IQGAP2: variants seen among roughly 807,000 people sequenced by gnomAD.
The protein encoded by IQGAP2 is ras GTPase-activating-like protein IQGAP2.
In IQGAP2, 173 loss-of-function variants were observed where a neutral mutation model predicts 201.3. The observed-to-expected ratio is 0.86, with a 90% CI of 0.76 to 0.98. The LOEUF is 0.98. IQGAP2 is among the 50% of genes least tolerant of loss of function. IQGAP2 has a pLI of 0.00. For synonymous variants in IQGAP2, 675 were observed against 673.9 expected, an observed-to-expected ratio of 1.00 and a Z score of -0.03; for missense variants, 1,687 against 1,864.8, an observed-to-expected ratio of 0.90 and a Z score of 1.76.
chr5:76,420,188 T>G (rs1318700951), intron 1 of IQGAP2, among the ~76,000 whole-genome samples: 1 of 152,136 alleles, frequency 6.6e-6, no homozygotes, highest in Non-Finnish European at 1.5e-5. Context: ...CCTAGGAGAT[T>G]CCAATGTGCA....
chr5:76,557,819 T>G (rs992211261), intron 2 of IQGAP2, among the ~76,000 whole-genome samples: 6 of 152,212 alleles, frequency 3.9e-5, no homozygotes, highest in Non-Finnish European at 2.9e-5. Context: ...ATTTTTAATT[T>G]TTTTTGAGAC....
chr5:76,484,196 C>T (rs890977245), intron 2 of IQGAP2, among the ~76,000 whole-genome samples: 8 of 151,866 alleles, frequency 5.3e-5, no homozygotes, highest in South Asian at 2.1e-4. Flanking sequence ...AAAGAGCAAA[C>T]GAAACTTCAA....
rs1218058855 is a variant in IQGAP2, at chr5:76,575,742, G to T, written c.431G>T (p.Arg144Ile). Residue 144 changes from arginine to isoleucine, a missense_variant, in exon 5 of 36, where the codon AGA (arginine) becomes ATA (isoleucine). Physicochemically the swap from Arg to Ile is moderately conservative, Grantham distance 97. Coordinates refer to ENST00000274364, the MANE Select transcript of IQGAP2 (RefSeq NM_006633.5). Reference protein sequence around the residue: ...TDVYDRKNIPRMIYCIHALSL... With the variant: ...TDVYDRKNIPIMIYCIHALSL... ...GTCTATGATCGGAAAAACATACCAA[G>T]AATGATATATTGCATTCACGCACTG... 6.3e-7 allele frequency: 1 copy of T among 1,592,290 alleles called. No homozygotes were observed.
At chr5:76,661,379 AAAAT>A (rs1021530756) in intron 21 of IQGAP2, among the ~76,000 whole-genome samples, 15 of 152,194 alleles carry the variant, frequency 9.9e-5, no homozygotes, top group Non-Finnish European at 2.2e-4. Flanking sequence ...CAAAAAATAA[AAAAT>A]AAAAAAGTAT....
intron 1 of IQGAP2, among the ~76,000 whole-genome samples, chr5:76,416,637 T>C (rs1751420651): frequency 1.3e-5 from 2 of 151,712 alleles, no homozygotes; most frequent in East Asian, 1.9e-4. Context: ...AAGCGATTCT[T>C]CTGCCTCAGC....
chr5:76,523,076 CTTTTTTTTTTT>C (rs35277348), intron 2 of IQGAP2, among the ~76,000 whole-genome samples: 1 of 78,372 alleles, frequency 1.3e-5, no homozygotes, highest in Non-Finnish European at 2.3e-5. Flanking sequence ...TTTCTTTTGC[CTTTTTTTTTTT>C]TTTTTTTTTT....
intron 13 of IQGAP2, among the ~76,000 whole-genome samples, chr5:76,625,304 G>C (rs1010322061): frequency 1.3e-5 from 2 of 152,190 alleles, no homozygotes; most frequent in African/African-American, 4.8e-5. Flanking sequence ...ACAGTGATAA[G>C]TTATGAAGGA....
chr5:76,459,698 G>A (rs1225028340), intron 1 of IQGAP2, among the ~76,000 whole-genome samples: 2 of 152,100 alleles, frequency 1.3e-5, no homozygotes, highest in East Asian at 3.9e-4. Flanking sequence ...GAGTGCAGTG[G>A]TGCCATCTCA....
At chr5:76,482,168 C>T (rs992807350) in intron 2 of IQGAP2, among the ~76,000 whole-genome samples, 3 of 152,184 alleles carry the variant, frequency 2.0e-5, no homozygotes, top group African/African-American at 7.2e-5. Flanking sequence ...TGTGCACCTG[C>T]CTTACCTTTT....
intron 19 of IQGAP2, among the ~76,000 whole-genome samples, chr5:76,654,509 G>A (rs1752757369): frequency 6.6e-6 from 1 of 152,166 alleles, no homozygotes; most frequent in Admixed American, 6.5e-5. Context: ...GGAAAACTGT[G>A]GGCTAGTAAC....
chr5:76,668,194 C>T (rs1242770960), intron 22 of IQGAP2, among the ~76,000 whole-genome samples: 1 of 152,018 alleles, frequency 6.6e-6, no homozygotes. Flanking sequence ...TTGCCAGTGT[C>T]TTTGGACACC....
intron 2 of IQGAP2, among the ~76,000 whole-genome samples, chr5:76,535,064 A>G (rs1412358053): frequency 6.6e-6 from 1 of 152,206 alleles, no homozygotes; most frequent in African/African-American, 2.4e-5. Context: ...GGTAGGGAGT[A>G]GAGTGAGGCC....
At chr5:76,461,913 T>C (rs1007542092) in intron 2 of IQGAP2, among the ~76,000 whole-genome samples, 7 of 152,166 alleles carry the variant, frequency 4.6e-5, no homozygotes, top group Non-Finnish European at 1.0e-4. Context: ...CACTCCTGAG[T>C]CACAGCTGGG....
At chr5:76,640,606 A>T (rs964916423) in intron 16 of IQGAP2, among the ~76,000 whole-genome samples, 6 of 152,156 alleles carry the variant, frequency 3.9e-5, no homozygotes, top group African/African-American at 1.4e-4. Flanking sequence ...TTTTTACAGC[A>T]AGCATCCTTG....
intron 1 of IQGAP2, among the ~76,000 whole-genome samples, chr5:76,460,654 A>T (rs1202319066): frequency 3.3e-5 from 5 of 152,060 alleles, no homozygotes; most frequent in Non-Finnish European, 7.4e-5. Context: ...CTCAGTTTTA[A>T]AGTTTAGATT....
chr5:76,592,098 C>T (rs1364235397), intron 8 of IQGAP2, among the ~76,000 whole-genome samples: 2 of 152,212 alleles, frequency 1.3e-5, no homozygotes, highest in Non-Finnish European at 2.9e-5. Context: ...GTCTCTCTGC[C>T]TCCTGTTACT....
intron 1 of IQGAP2, among the ~76,000 whole-genome samples, chr5:76,428,971 C>T (rs112469150): frequency 0.014 from 2,065 of 150,506 alleles, 54 homozygotes; most frequent in African/African-American, 0.047. Context: ...CACAGCTACT[C>T]GGGAGGCTGA....
intron 1 of IQGAP2, among the ~76,000 whole-genome samples, chr5:76,441,287 T>C (rs1031857087): frequency 6.6e-6 from 1 of 152,338 alleles, no homozygotes; most frequent in Middle Eastern, 3.4e-3. Flanking sequence ...TGTCATTATC[T>C]TGACAGTCTG....
At position 76,593,330 on chromosome 5, in the gene IQGAP2, C is replaced by T. The variant is rs115890763; in HGVS notation, c.907+405C>T. On this transcript the variant is annotated intron_variant, in intron 9 of 35. Coordinates refer to ENST00000274364, the MANE Select transcript of IQGAP2 (RefSeq NM_006633.5). ...CTATTGACACCACTGCTCTCTGTGA[C>T]TTCCCAGCCATTAGTCTGTTGTTTG... Among the ~76,000 whole-genome samples the T allele has an allele frequency of 8.0e-4, 115 of 144,024 alleles. 1 individual carries two copies. Among genetic ancestry groups the T allele is most frequent in the African/African-American group, 2.8e-3 (107 of 38,492 alleles). The allele number at this position is 144,024 out of a possible 152,430, so 94.5% of individuals were successfully genotyped here.
Sources: allele counts gnomAD v4.1 joint callset (sites outside exome capture counted in the v4.1 genomes callset), GRCh38; gene constraint gnomAD v4.1.1; transcripts MANE v1.5; gene names NCBI Gene and HGNC (gene_info 2026-07-23, HGNC 2026-07-21).